CPXM2: variants seen among roughly 807,000 people sequenced by gnomAD.
CPXM2 encodes inactive carboxypeptidase-like protein X2.
A neutral mutation model predicts 86.1 loss-of-function variants in CPXM2; 66 were observed. That is an observed-to-expected ratio of 0.77 (90% CI 0.63 to 0.94). The LOEUF (loss-of-function observed/expected upper bound fraction) is 0.94, where lower values mean the gene tolerates loss of function less well. Ranked by LOEUF, CPXM2 falls within the 40% of genes least tolerant of loss-of-function variation. The pLI, the probability that CPXM2 is intolerant of heterozygous loss-of-function variation, is 0.00. For synonymous variants in CPXM2, 388 were observed against 400.2 expected, an observed-to-expected ratio of 0.97 and a Z score of 0.36; for missense variants, 948 against 1,026.3, an observed-to-expected ratio of 0.92 and a Z score of 1.04.
At chr10:123,816,336 G>A (rs1847813188) in intron 4 of CPXM2, among the ~76,000 whole-genome samples, 1 of 152,186 alleles carries the variant, frequency 6.6e-6, no homozygotes, top group African/African-American at 2.4e-5. Context: ...CTGGCTGGTA[G>A]GGTGAGGGCT....
At chr10:123,928,007 T>C (rs1945638713) in intron 2 of CPXM2, among the ~76,000 whole-genome samples, 1 of 152,178 alleles carries the variant, frequency 6.6e-6, no homozygotes, top group Non-Finnish European at 1.5e-5. Context: ...CCTGGCCTAT[T>C]CATGAGTGTC....
intron 4 of CPXM2, among the ~76,000 whole-genome samples, chr10:123,836,759 A>C (rs1848290290): frequency 6.6e-6 from 1 of 152,016 alleles, no homozygotes; most frequent in Non-Finnish European, 1.5e-5. Flanking sequence ...ACTGCTCCCC[A>C]CCTTAACTAT....
At chr10:123,908,235 G>A (rs143873071) in intron 2 of CPXM2, among the ~76,000 whole-genome samples, 127 of 152,158 alleles carry the variant, frequency 8.3e-4, no homozygotes, top group Non-Finnish European at 1.4e-3. Flanking sequence ...GTGGGAAGGA[G>A]AGAGGAGGAA....
At chr10:123,893,742 C>A (rs187496401), upstream of CPXM2, among the ~76,000 whole-genome samples, 17 of 151,654 alleles carry the variant, frequency 1.1e-4, no homozygotes, top group East Asian at 3.3e-3. Context: ...GCACTCCAGA[C>A]GACAACACAG....
intron 7 of CPXM2, among the ~76,000 whole-genome samples, chr10:123,772,171 C>CGTTGTGGTTACCACCTCCCTG (rs1239107218): frequency 2.1e-5 from 3 of 146,242 alleles, no homozygotes; most frequent in African/African-American, 7.6e-5. Flanking sequence ...TCACCTCCTT[C>CGTTGTGGTTACCACCTCCCTG]GTTGTGGTTA....
chr10:123,760,670 C>T (rs1417058385), intron 11 of CPXM2, among the ~76,000 whole-genome samples: 3 of 152,096 alleles, frequency 2.0e-5, no homozygotes, highest in Admixed American at 6.5e-5. Flanking sequence ...GAGGGGAGTC[C>T]GCAGGGGATG....
rs1341019363 is a variant in CPXM2, at chr10:123,757,279, T to A, written c.1851A>T (p.Pro617=). ...LSIYVGCDKY[P]HESQLPEEWE... Reference sequence around the variant, plus strand: ...ACTCCTCGGGCAGCTGGCTCTCATGTGGGTATTTATCACAGCCCACGTAGA... The same window carrying A: ...ACTCCTCGGGCAGCTGGCTCTCATGAGGGTATTTATCACAGCCCACGTAGA... The change falls in exon 12 of 14, where the codon CCA becomes CCT. Residue 617 remains proline (P), a synonymous_variant. Coordinates refer to ENST00000241305, the MANE Select transcript of CPXM2 (RefSeq NM_198148.3). 6.2e-6 allele frequency: 10 copies of A among 1,613,664 alleles called. No homozygotes were observed. Among genetic ancestry groups the A allele is most frequent in the Non-Finnish European group, 8.5e-6 (10 of 1,179,702 alleles).
At chr10:123,918,436 G>A (rs532523395) in intron 2 of CPXM2, among the ~76,000 whole-genome samples, 1 of 152,316 alleles carries the variant, frequency 6.6e-6, no homozygotes, top group South Asian at 2.1e-4. Flanking sequence ...AATAATAACA[G>A]AGTAGGGAAA....
At chr10:123,812,650 C>G (rs1232459251) in intron 4 of CPXM2, among the ~76,000 whole-genome samples, 1 of 152,198 alleles carries the variant, frequency 6.6e-6, no homozygotes, top group East Asian at 1.9e-4. Context: ...GTGAGCATTA[C>G]CAACTGAGCT....
At chr10:123,827,789 C>T (rs1848078638) in intron 4 of CPXM2, among the ~76,000 whole-genome samples, 1 of 152,090 alleles carries the variant, frequency 6.6e-6, no homozygotes, top group Non-Finnish European at 1.5e-5. Flanking sequence ...AGTGGGAAAA[C>T]CAGCCTCCCC....
intron 13 of CPXM2, chr10:123,752,329 T>G: frequency 1.0e-6 from 1 of 984,984 alleles, no homozygotes; most frequent in South Asian, 4.7e-5. Flanking sequence ...GCCTCATGGT[T>G]CATGGCTATA....
At chr10:123,917,203 C>CT (rs1268747010) in intron 2 of CPXM2, among the ~76,000 whole-genome samples, 1 of 152,194 alleles carries the variant, frequency 6.6e-6, no homozygotes, top group African/African-American at 2.4e-5. Flanking sequence ...CCAAATCTCC[C>CT]TTAACATCTC....
Position 123,880,317 on chromosome 10 carries a change from G to C in CPXM2, c.305-8C>G. 4 of 1,271,322 alleles carry C rather than the reference G, an allele frequency of 3.1e-6. No homozygotes were observed. Among genetic ancestry groups the C allele is most frequent in the Middle Eastern group, 1.9e-4 (1 of 5,360 alleles). 78.8% of individuals were successfully genotyped at this position (1,271,322 alleles called of 1,614,324 possible). On this transcript the variant is annotated splice_polypyrimidine_tract_variant and splice_region_variant and intron_variant, in intron 1 of 13. Coordinates refer to ENST00000241305, the MANE Select transcript of CPXM2 (RefSeq NM_198148.3). ...TTTTGTTGCTGTGTTTACCTAAAGG[G>C]GGAGAGAGAGATGCCTTTACTTTCA... is the stretch of plus-strand genomic sequence containing the variant.
In CPXM2 at chr10:123,767,103, A is replaced by G. The variant is rs749767431; in HGVS notation, c.1349T>C (p.Ile450Thr). 6 of 1,614,142 alleles carry G rather than the reference A, an allele frequency of 3.7e-6. No individual in the cohort carries two copies. The highest frequency in any genetic ancestry group is 1.3e-5 in the African/African-American group (1 of 75,016). ...WSLGRWTHDGIDINNNFPDLN... is the reference protein window; with the variant it reads ...WSLGRWTHDGTDINNNFPDLN... ...ATCAGGAAAGTTGTTGTTGATGTCA[A>G]TTCCATCGTGGGTCCAGCGTCCCAG... The change falls in exon 10 of 14, where the codon ATT becomes ACT. Residue 450 changes from isoleucine (I) to threonine (T), a missense_variant. Transcript: ENST00000241305.
In CPXM2 at chr10:123,891,252, G is replaced by A; in HGVS notation, c.304+104C>T. The stretch of plus-strand genomic sequence containing the variant: ...GAGGCGGCAACAGGGAGATTCCCGG[G>A]ACTGGCCCATCCCAGACACACACAA... On this transcript the variant is annotated intron_variant, in intron 1 of 13. Transcript: ENST00000241305. This position sits in a 1 kb window ranked among gnomAD's most constrained non-coding sequence, Gnocchi z 5.6. 1.2e-5 allele frequency: 12 copies of A among 982,872 alleles called. No homozygotes were observed. The highest frequency in any genetic ancestry group is 1.7e-5 in the Non-Finnish European group (12 of 689,358). The allele number at this position is 982,872 out of a possible 1,614,324, so 60.9% of individuals were successfully genotyped here. A position where few individuals can be genotyped will look rare whatever the true frequency, so the allele number is the denominator to read the frequency against.
At chr10:123,915,360 C>G (rs111960426) in intron 2 of CPXM2, among the ~76,000 whole-genome samples, 1 of 152,102 alleles carries the variant, frequency 6.6e-6, no homozygotes, top group Admixed American at 6.6e-5. Flanking sequence ...GAGTTCGAGA[C>G]CAGACTGGCC....
intron 10 of CPXM2, among the ~76,000 whole-genome samples, chr10:123,765,618 A>G (rs1471323574): frequency 6.6e-6 from 1 of 152,250 alleles, no homozygotes; most frequent in Non-Finnish European, 1.5e-5. Context: ...TGTGGGAAAC[A>G]TGAGAGCAGA....
intron 4 of CPXM2, among the ~76,000 whole-genome samples, chr10:123,824,092 GA>G (rs1847991662): frequency 2.0e-5 from 3 of 152,172 alleles, no homozygotes; most frequent in African/African-American, 4.8e-5. Flanking sequence ...TACACATTCA[GA>G]GCAGGACTAA....
At chr10:123,831,280 G>C (rs1848161262) in intron 4 of CPXM2, among the ~76,000 whole-genome samples, 1 of 152,172 alleles carries the variant, frequency 6.6e-6, no homozygotes, top group South Asian at 2.1e-4. Context: ...AGTTGCTTGA[G>C]GGACTGGGAA....
Sources: allele counts gnomAD v4.1 joint callset (sites outside exome capture counted in the v4.1 genomes callset), GRCh38; gene constraint gnomAD v4.1.1; non-coding constraint Gnocchi (gnomAD v3.1); transcripts MANE v1.5; gene names NCBI Gene and HGNC (gene_info 2026-07-23, HGNC 2026-07-21).